Variants in MSRA observed in about 807,000 individuals in gnomAD.
MSRA encodes the protein methionine sulfoxide reductase A.
In MSRA, 54 loss-of-function variants were observed where a neutral mutation model predicts 31.3. That is an observed-to-expected ratio of 1.73 (90% CI 1.39 to 2.17). The LOEUF (loss-of-function observed/expected upper bound fraction) is 2.17, where lower values mean the gene tolerates loss of function less well. Among genes scored for constraint, MSRA ranks in the 30% most tolerant of loss-of-function variants. MSRA has a pLI of 0.00. For synonymous variants in MSRA, 169 were observed against 116.5 expected (o/e 1.45, Z -2.90); for missense variants, 507 against 300.9 (o/e 1.69, Z -5.07).
intron 5 of MSRA, among the ~76,000 whole-genome samples, chr8:10,411,903 C>T (rs1417651620): frequency 6.6e-6 from 1 of 152,180 alleles, no homozygotes; most frequent in South Asian, 2.1e-4. Flanking sequence ...GGCGAACAGC[C>T]CTGTTCTGTG....
chr8:10,242,343 A>T (rs932092762), intron 2 of MSRA, among the ~76,000 whole-genome samples: 1 of 152,146 alleles, frequency 6.6e-6, no homozygotes, highest in African/African-American at 2.4e-5. Flanking sequence ...AGGGGTGGAC[A>T]CTTAGATGAT....
intron 5 of MSRA, among the ~76,000 whole-genome samples, chr8:10,366,994 T>A (rs1367143501): frequency 6.6e-6 from 1 of 152,192 alleles, no homozygotes; most frequent in Admixed American, 6.5e-5. Context: ...TTCTGTGGTT[T>A]CAGTTACCTG....
At chr8:10,427,827 G>C (rs1226202437) in intron 5 of MSRA, among the ~76,000 whole-genome samples, 1 of 152,218 alleles carries the variant, frequency 6.6e-6, no homozygotes, top group Non-Finnish European at 1.5e-5. Flanking sequence ...TTTGGGGCCA[G>C]TTTCAAACAG....
chr8:10,376,950 G>A (rs964939893), intron 5 of MSRA, among the ~76,000 whole-genome samples: 1 of 152,174 alleles, frequency 6.6e-6, no homozygotes, highest in Non-Finnish European at 1.5e-5. Context: ...GGGTGTAAGC[G>A]GGGAAGGGAT....
chr8:10,119,942 T>G (rs745787948), intron 1 of MSRA, among the ~76,000 whole-genome samples: 1 of 152,136 alleles, frequency 6.6e-6, no homozygotes, highest in Non-Finnish European at 1.5e-5. Flanking sequence ...TTACCATGCC[T>G]AGACCCAAAA....
intron 5 of MSRA, among the ~76,000 whole-genome samples, chr8:10,383,882 C>T (rs969921695): frequency 6.6e-6 from 1 of 152,196 alleles, no homozygotes; most frequent in East Asian, 1.9e-4. Context: ...TTTGTGAGAG[C>T]GTCAAAGGAT....
chr8:10,356,261 C>T (rs1804500789), intron 5 of MSRA, among the ~76,000 whole-genome samples: 1 of 152,140 alleles, frequency 6.6e-6, no homozygotes, highest in South Asian at 2.1e-4. Flanking sequence ...AAAGGCAGAC[C>T]TTGAAAAAAG....
chr8:10,266,390 T>C (rs1467850015), intron 3 of MSRA, among the ~76,000 whole-genome samples: 2 of 152,266 alleles, frequency 1.3e-5, no homozygotes, highest in Non-Finnish European at 2.9e-5. Flanking sequence ...TGTATGTCTT[T>C]CATAAATTGT....
At position 10,245,134 on chromosome 8, in the gene MSRA, A is replaced by G; in HGVS notation, c.242A>G (p.Lys81Arg). The change falls in exon 3 of 6, where the codon AAA becomes AGA. Residue 81 changes from lysine (K) to arginine (R), a missense_variant. Transcript: ENST00000317173. ...GMGCFWGAERKFWVLKGVYST... is the reference protein window; with the variant it reads ...GMGCFWGAERRFWVLKGVYST... The stretch of plus-strand genomic sequence containing the variant: ...GGATGTTTCTGGGGAGCTGAAAGGA[A>G]ATTCTGGGTCTTGAAAGGAGTGTAT... 1.9e-6 allele frequency: 3 copies of G among 1,613,358 alleles called. No homozygotes were observed. The highest frequency in any genetic ancestry group is 1.3e-5 in the African/African-American group (1 of 74,852).
rs1259142537 is a variant in MSRA at position 10,118,080 on chromosome 8, T to C, written c.142+63422T>C. ...CACTGTAAGGTTTTGGCGATTTTCT[T>C]TTCCCTGGGTGTTCATTCTCCCCTT... is the stretch of plus-strand genomic sequence containing the variant. On this transcript the variant is annotated intron_variant, in intron 1 of 5. Transcript: ENST00000317173. Among the ~76,000 whole-genome samples the C allele has an allele frequency of 2.6e-5, 4 of 152,242 alleles. 1 individual carries two copies. The highest frequency in any genetic ancestry group is 9.6e-5 in the African/African-American group (4 of 41,468).
At chr8:10,238,069 A>G (rs999446884) in intron 2 of MSRA, among the ~76,000 whole-genome samples, 12 of 152,186 alleles carry the variant, frequency 7.9e-5, no homozygotes, top group African/African-American at 2.9e-4. Context: ...GTCCTACACT[A>G]TCTGGCTTAT....
chr8:10,213,704 A>T lies in MSRA; in HGVS notation c.211+5803A>T, dbSNP rs183406486. Among the ~76,000 whole-genome samples, 16 of 147,408 alleles carry T rather than the reference A, an allele frequency of 1.1e-4. No individual in the cohort carries two copies. The East Asian group carries it at 2.5e-3, about 23-fold the overall frequency. ...GCCTGCCTCGGCCTCCCCAGGTACC[A>T]CATTTTCTTTGCCATTCTTCTGTGG... On this transcript the variant is annotated intron_variant, in intron 2 of 5. Coordinates refer to ENST00000317173, the MANE Select transcript of MSRA (RefSeq NM_012331.5).
At chr8:10,098,625 C>T (rs185465523) in intron 1 of MSRA, among the ~76,000 whole-genome samples, 7 of 152,138 alleles carry the variant, frequency 4.6e-5, no homozygotes, top group African/African-American at 1.4e-4. Context: ...AAAGTATGTT[C>T]ACTTTTCTTG....
intron 3 of MSRA, among the ~76,000 whole-genome samples, chr8:10,269,654 G>GT (rs951471510): frequency 6.6e-6 from 1 of 151,862 alleles, no homozygotes; most frequent in Non-Finnish European, 1.5e-5. Flanking sequence ...TTGTTTGTTT[G>GT]TTTTTTTGTT....
At chr8:10,382,206 G>T (rs1314903614) in intron 5 of MSRA, among the ~76,000 whole-genome samples, 1 of 152,196 alleles carries the variant, frequency 6.6e-6, no homozygotes, top group African/African-American at 2.4e-5. Context: ...AGATGAGGCT[G>T]CTGGCTTCCC....
At chr8:10,309,670 G>A (rs2129130983) in intron 4 of MSRA, among the ~76,000 whole-genome samples, 1 of 152,302 alleles carries the variant, frequency 6.6e-6, no homozygotes, top group East Asian at 1.9e-4. Context: ...GGGCCCCAGG[G>A]CCACACATCC....
chr8:10,348,213 A>C (rs747573500), intron 5 of MSRA, among the ~76,000 whole-genome samples: 14 of 152,170 alleles, frequency 9.2e-5, no homozygotes, highest in Non-Finnish European at 2.1e-4. Context: ...GTGTTTACTC[A>C]GCCCTTCCTT....
At chr8:10,373,836 G>T (rs1422341083) in intron 5 of MSRA, among the ~76,000 whole-genome samples, 1 of 152,232 alleles carries the variant, frequency 6.6e-6, no homozygotes, top group Non-Finnish European at 1.5e-5. Context: ...TGAGCCCCTG[G>T]AGGGCTCTGA....
At chr8:10,061,422 C>T (rs1213429094) in intron 1 of MSRA, among the ~76,000 whole-genome samples, 1 of 152,152 alleles carries the variant, frequency 6.6e-6, no homozygotes, top group Non-Finnish European at 1.5e-5. Flanking sequence ...TCTCTCCAAC[C>T]TAAGTGATCT....
Sources: allele counts gnomAD v4.1 joint callset (sites outside exome capture counted in the v4.1 genomes callset), GRCh38; gene constraint gnomAD v4.1.1; transcripts MANE v1.5; gene names NCBI Gene and HGNC (gene_info 2026-07-23, HGNC 2026-07-21).